PARD3: variants seen among roughly 807,000 people sequenced by gnomAD.
PARD3 encodes the protein par-3 family cell polarity regulator, also known as partitioning defective 3 homolog.
Under a neutral mutation model 155.4 loss-of-function variants are expected in PARD3, and 75 were observed. The observed-to-expected ratio is 0.48, with a 90% CI of 0.40 to 0.58. PARD3 has a LOEUF of 0.58. Among genes scored for constraint, PARD3 ranks in the 20% least tolerant of loss-of-function variants. The pLI is 0.00. For synonymous variants in PARD3, 576 were observed against 610.5 expected (o/e 0.94, Z 0.83); for missense variants, 1,642 against 1,721.7 (o/e 0.95, Z 0.82).
At chr10:34,351,256 T>C (rs1172162044) in intron 14 of PARD3, among the ~76,000 whole-genome samples, 1 of 152,114 alleles carries the variant, frequency 6.6e-6, no homozygotes, top group Non-Finnish European at 1.5e-5. Context: ...TTTCAGTTTT[T>C]TTTTAGCATA....
At chr10:34,273,077 A>G (rs2133872979) in intron 21 of PARD3, among the ~76,000 whole-genome samples, 1 of 152,316 alleles carries the variant, frequency 6.6e-6, no homozygotes, top group East Asian at 1.9e-4. Context: ...TAAAAATTAA[A>G]CATATACTTA....
chr10:34,699,254 A>T (rs994270912), intron 1 of PARD3, among the ~76,000 whole-genome samples: 3 of 152,250 alleles, frequency 2.0e-5, no homozygotes, highest in African/African-American at 7.2e-5. Flanking sequence ...AAATGTGCTG[A>T]ATGGATATGA....
At position 34,388,277 on chromosome 10, in the gene PARD3, TG is replaced by T. The variant is rs1842544158; in HGVS notation, c.891-4024del. Reference sequence around the variant, plus strand: ...AGAATGGATTAATTTAAAAGGAAAGTGGTACAATCTGCAAAATTATCTCATT... The same window carrying T: ...AGAATGGATTAATTTAAAAGGAAAGTGTACAATCTGCAAAATTATCTCATT... On this transcript the variant is annotated intron_variant, in intron 7 of 24. Transcript: ENST00000374788. Among the ~76,000 whole-genome samples the T allele has an allele frequency of 3.3e-5, 5 of 152,198 alleles. No individual in the cohort carries two copies. In the South Asian group the frequency reaches 1.0e-3, roughly 32 times the overall value.
intron 2 of PARD3, among the ~76,000 whole-genome samples, chr10:34,523,303 A>AT (rs1468830871): frequency 6.6e-6 from 1 of 152,204 alleles, no homozygotes; most frequent in Non-Finnish European, 1.5e-5. Flanking sequence ...CCTGTGAGCA[A>AT]TCTCTCACTT....
rs183685775 is a variant in PARD3 at position 34,123,172 on chromosome 10, A to G, written c.3541-3432T>C. Among the ~76,000 whole-genome samples, 64 of 152,372 alleles carry G rather than the reference A, an allele frequency of 4.2e-4. 1 individual carries two copies. The East Asian group carries it at 8.7e-3, about 21-fold the overall frequency. ...AAAAAACATGGCTGCCAGAGCCATA[A>G]TAACAATAGAGATTGTAAGATGGAA... On this transcript the variant is annotated intron_variant, in intron 23 of 24. Transcript: ENST00000374788.
intron 22 of PARD3, among the ~76,000 whole-genome samples, chr10:34,254,966 A>C (rs1190064671): frequency 6.6e-6 from 1 of 152,186 alleles, no homozygotes; most frequent in Non-Finnish European, 1.5e-5. Flanking sequence ...GACCAAAGGA[A>C]AGAAGGAAAT....
intron 7 of PARD3, among the ~76,000 whole-genome samples, chr10:34,395,220 A>G (rs1221298362): frequency 1.3e-5 from 2 of 152,028 alleles, no homozygotes; most frequent in Non-Finnish European, 2.9e-5. Flanking sequence ...TTTTTCATAG[A>G]GACAGGGTTT....
intron 22 of PARD3, among the ~76,000 whole-genome samples, chr10:34,158,475 G>T (rs1949120379): frequency 6.6e-6 from 1 of 152,126 alleles, no homozygotes; most frequent in Non-Finnish European, 1.5e-5. Flanking sequence ...TGAAAGCTAA[G>T]CAAGACGCAG....
chr10:34,196,100 TCTC>T (rs1950920693), intron 22 of PARD3, among the ~76,000 whole-genome samples: 1 of 152,208 alleles, frequency 6.6e-6, no homozygotes, highest in East Asian at 1.9e-4. Flanking sequence ...CTTAATTTGC[TCTC>T]ATCATGACTC....
intron 22 of PARD3, among the ~76,000 whole-genome samples, chr10:34,261,797 G>T (rs1955015053): frequency 1.7e-5 from 1 of 57,372 alleles, no homozygotes; most frequent in South Asian, 8.7e-4. Flanking sequence ...AAGAAAGAAA[G>T]AAAGAAAGAA....
chr10:34,448,445 T>G lies in PARD3; in HGVS notation c.714+1872A>C, dbSNP rs559827384. Among the ~76,000 whole-genome samples the G allele has an allele frequency of 1.5e-4, 23 of 152,154 alleles. No homozygotes were observed. In the South Asian group the frequency reaches 4.6e-3, roughly 30 times the overall value. On this transcript the variant is annotated intron_variant, in intron 5 of 24. Coordinates refer to ENST00000374788, the MANE Select transcript of PARD3 (RefSeq NM_001184785.2). ...TAAAAACTTTCAATTGTAAGATGAA[T>G]GAACTCTGGAGACCTAACGTATAGC...
intron 5 of PARD3, among the ~76,000 whole-genome samples, chr10:34,447,588 G>A (rs1326688815): frequency 6.7e-6 from 1 of 148,846 alleles, no homozygotes; most frequent in Admixed American, 6.8e-5. Flanking sequence ...AGATCATGAG[G>A]TCAATAGATC....
intron 22 of PARD3, among the ~76,000 whole-genome samples, chr10:34,211,681 G>C (rs12258860): frequency 6.6e-6 from 1 of 152,078 alleles, no homozygotes; most frequent in African/African-American, 2.4e-5. Context: ...TGGGGAGCGT[G>C]AGGCAGGAGA....
Position 34,359,984 on chromosome 10 carries a change from G to C in PARD3, c.1896+87C>G, listed in dbSNP as rs1029931276. On this transcript the variant is annotated intron_variant, in intron 13 of 24. Coordinates refer to ENST00000374788, the MANE Select transcript of PARD3 (RefSeq NM_001184785.2). ...ACCATAAAGAAATGAGAAAACTTCT[G>C]TTAACTGTATATGTTTCCAAAATAG... is the stretch of plus-strand genomic sequence containing the variant. The C allele has an allele frequency of 7.1e-6, 7 of 983,214 alleles. No individual in the cohort carries two copies. The African/African-American group carries it at 1.1e-4, about 16-fold the overall frequency. The allele number at this position is 983,214 out of a possible 1,614,324, so 60.9% of individuals were successfully genotyped here.
chr10:34,559,804 G>A (rs1028268629), intron 2 of PARD3, among the ~76,000 whole-genome samples: 14 of 152,092 alleles, frequency 9.2e-5, no homozygotes, highest in Non-Finnish European at 1.8e-4. Context: ...GAATAGAAGC[G>A]ACTGTAACAA....
intron 1 of PARD3, among the ~76,000 whole-genome samples, chr10:34,762,290 C>CAG (rs112792993): frequency 0.013 from 1,914 of 145,444 alleles, 19 homozygotes; most frequent in Middle Eastern, 0.028. Context: ...GACAGAGAGA[C>CAG]AGAGAGAGAG....
intron 5 of PARD3, among the ~76,000 whole-genome samples, chr10:34,422,171 T>A (rs1195078018): frequency 6.6e-6 from 1 of 151,680 alleles, no homozygotes; most frequent in Non-Finnish European, 1.5e-5. Flanking sequence ...GATAATATCA[T>A]GGATTTTAAA....
chr10:34,479,874 CAGAA>C (rs2078962122), intron 3 of PARD3, among the ~76,000 whole-genome samples: 1 of 152,138 alleles, frequency 6.6e-6, no homozygotes, highest in Non-Finnish European at 1.5e-5. Context: ...GACAGTTTAG[CAGAA>C]AGACTGTTTC....
chr10:34,710,037 T>C (rs2094428511), intron 1 of PARD3, among the ~76,000 whole-genome samples: 1 of 152,084 alleles, frequency 6.6e-6, no homozygotes, highest in African/African-American at 2.4e-5. Context: ...GTACCACGCA[T>C]CAAAATGCTT....
Sources: gnomAD v4.1 joint callset for allele counts (sites outside exome capture counted in the v4.1 genomes callset) on GRCh38, gnomAD v4.1.1 for gene constraint, MANE v1.5 for transcripts, NCBI Gene and HGNC (gene_info 2026-07-23, HGNC 2026-07-21) for gene names.